The following VPS35 variants were observed in gnomAD, a reference collection of about 807,000 sequenced individuals.
VPS35 encodes VPS35 retromer complex component.
VPS35 carries 21 observed loss-of-function variants against 98.1 expected under a neutral mutation model. The ratio of observed to expected loss-of-function variants is 0.21; its 90% CI spans 0.15 to 0.31. The LOEUF is 0.31. Among genes scored for constraint, VPS35 ranks in the 10% least tolerant of loss-of-function variants. The pLI, the probability that VPS35 is intolerant of heterozygous loss-of-function variation, is 1.00. For missense variants in VPS35, 554 were observed against 950.8 expected (o/e 0.58, Z 5.49); for synonymous variants, 268 against 318.2 (o/e 0.84, Z 1.68).
chr16:46,668,351 C>T (rs931115264), intron 13 of VPS35, among the ~76,000 whole-genome samples: 2 of 152,204 alleles, frequency 1.3e-5, no homozygotes, highest in South Asian at 2.1e-4. Context: ...GCTAAGACTG[C>T]GCCACTGTAC....
rs141575586 is a variant in VPS35, at chr16:46,673,159, C to T, written c.1161-687G>A. 3.6e-3 allele frequency among the ~76,000 whole-genome samples: 547 copies of T among 151,640 alleles called. 1 individual carries two copies. The highest frequency in any genetic ancestry group is 5.5e-3 in the Non-Finnish European group (374 of 67,936). On this transcript the variant is annotated intron_variant, in intron 10 of 16. Coordinates refer to ENST00000299138, the MANE Select transcript of VPS35 (RefSeq NM_018206.6). ...TTTTAATTTTATTTTTTATTAGAGA[C>T]GGGGTCTCGCTATGTTGCCCAGGCT...
chr16:46,688,269 G>A lies in VPS35; in HGVS notation c.3+862C>T, dbSNP rs74320950. The stretch of plus-strand genomic sequence containing the variant: ...TATACTCAAAAAATTTATTTACACA[G>A]TGCAGGCTATGTTAAACGCTAATAA... On this transcript the variant is annotated intron_variant, in intron 1 of 16. Coordinates refer to ENST00000299138, the MANE Select transcript of VPS35 (RefSeq NM_018206.6). 2,510 of 982,552 alleles carry A rather than the reference G, an allele frequency of 2.6e-3. 12 individuals carry two copies. The highest frequency in any genetic ancestry group is 0.017 in the Middle Eastern group (33 of 1,910). 60.9% of individuals were successfully genotyped at this position (982,552 alleles called of 1,614,324 possible).
At chr16:46,688,167 A>C (rs74918457) in intron 1 of VPS35, 4,110 of 331,076 alleles carry the variant, frequency 0.012, 89 homozygotes, top group East Asian at 0.099. Context: ...TTAAAGTGAA[A>C]TCTGTTTCCA....
chr16:46,674,038 CA>C, intron 10 of VPS35: 1 of 430,648 alleles, frequency 2.3e-6, no homozygotes, highest in Non-Finnish European at 4.2e-6. Flanking sequence ...CCAGGGAAGC[CA>C]AAAGATTGGA....
At chr16:46,677,497 T>C (rs1966169686) in intron 6 of VPS35, 99 bp from the exon 7 acceptor site, 3 of 1,009,248 alleles carry the variant, frequency 3.0e-6, no homozygotes, top group Non-Finnish European at 4.6e-6. Context: ...GAAAATCGTA[T>C]TTGAGATTTT....
chr16:46,665,162 C>A (rs1325307011), intron 13 of VPS35, among the ~76,000 whole-genome samples: 1 of 152,200 alleles, frequency 6.6e-6, no homozygotes, highest in Non-Finnish European at 1.5e-5. Flanking sequence ...CATTGCTGAA[C>A]CTTATTTTTC....
intron 13 of VPS35, among the ~76,000 whole-genome samples, chr16:46,667,445 CAGA>C (rs1458612792): frequency 7.9e-5 from 12 of 152,094 alleles, no homozygotes; most frequent in Admixed American, 6.6e-4. Flanking sequence ...CTTTGTTGTA[CAGA>C]AGGTTTTTAG....
chr16:46,665,316 G>A (rs771682085), intron 13 of VPS35, among the ~76,000 whole-genome samples: 7 of 152,186 alleles, frequency 4.6e-5, no homozygotes, highest in Non-Finnish European at 1.0e-4. Flanking sequence ...GCGACAGGCT[G>A]GGCATGGTGG....
intron 13 of VPS35, 71 bp from the exon 14 acceptor site, chr16:46,663,233 T>C: frequency 7.3e-7 from 1 of 1,371,150 alleles, no homozygotes; most frequent in Admixed American, 2.0e-5. Flanking sequence ...TCCATTTTAA[T>C]AGAACAAAAT....
intron 7 of VPS35, among the ~76,000 whole-genome samples, chr16:46,677,054 TAA>T (rs987600768): frequency 2.0e-5 from 3 of 151,948 alleles, no homozygotes; most frequent in African/African-American, 7.2e-5. Context: ...AAAGAAACAC[TAA>T]AAAAATTTTT....
At chr16:46,672,140 T>C in intron 11 of VPS35, 125 bp downstream of exon 11, 2 of 868,018 alleles carry the variant, frequency 2.3e-6, no homozygotes, top group Non-Finnish European at 3.6e-6. Context: ...ATTTATATAA[T>C]GAAAAAGTTA....
chr16:46,671,241 AAAATT>A (rs1966064021), intron 12 of VPS35, among the ~76,000 whole-genome samples: 1 of 152,214 alleles, frequency 6.6e-6, no homozygotes, highest in African/African-American at 2.4e-5. Context: ...TTGGAAAAGT[AAAATT>A]AAATATAAGA....
intron 6 of VPS35, among the ~76,000 whole-genome samples, chr16:46,678,171 C>T (rs1012061745): frequency 1.3e-5 from 2 of 152,218 alleles, no homozygotes; most frequent in African/African-American, 4.8e-5. Context: ...CATTCACTTC[C>T]ATATTGCCTG....
chr16:46,658,344 G>A lies in VPS35; in HGVS notation c.*2128C>T, dbSNP rs560084002. The A allele has an allele frequency of 2.6e-5, 4 of 153,852 alleles. No individual in the cohort carries two copies. The South Asian group carries it at 8.3e-4, about 32-fold the overall frequency. The allele number at this position is 153,852 out of a possible 1,614,324, so 9.5% of individuals were successfully genotyped here. A position where few individuals can be genotyped will look rare whatever the true frequency, so the allele number is the denominator to read the frequency against. ...GTCTTCACAGCAGACTAACGTTCTT[G>A]AAGCTAGAGGCTATGATCTTCTTCA... On this transcript the variant is annotated 3_prime_UTR_variant, in exon 17 of 17. Transcript: ENST00000299138.
rs1966166656 is a variant in VPS35 at position 46,677,298 on chromosome 16, G to T, written c.804+17C>A. 1.9e-6 allele frequency: 3 copies of T among 1,606,292 alleles called. No individual in the cohort carries two copies. Among genetic ancestry groups the T allele is most frequent in the African/African-American group, 1.3e-5 (1 of 74,816 alleles). On this transcript the variant is annotated intron_variant, in intron 7 of 16. Transcript: ENST00000299138. ...TAAAATAGGTCGTTTAAAAAAAAAT[G>T]AAATGTTCCCAGCTACCTGAATAAT... is the stretch of plus-strand genomic sequence containing the variant.
Position 46,683,621 on chromosome 16 carries a change from A to G in VPS35, c.4-15T>C, listed in dbSNP as rs767613585. On this transcript the variant is annotated splice_polypyrimidine_tract_variant and intron_variant, in intron 1 of 16. Transcript: ENST00000299138. ...TGTGTTGTAGGCTGAAAAATAAAAA[A>G]TTCCACTGATGTCTCAAGCACATTC... 4.8e-5 allele frequency: 76 copies of G among 1,580,694 alleles called. No homozygotes were observed. Among genetic ancestry groups the G allele is most frequent in the Non-Finnish European group, 6.5e-5 (75 of 1,153,270 alleles).
At position 46,660,154 on chromosome 16, in the gene VPS35, T is replaced by C. The variant is rs998146101; in HGVS notation, c.*318A>G. On this transcript the variant is annotated 3_prime_UTR_variant, in exon 17 of 17. Coordinates refer to ENST00000299138, the MANE Select transcript of VPS35 (RefSeq NM_018206.6). Reference sequence around the variant, plus strand: ...ACAAACAAACAAAAAAAAGGAGAGCTTCATTAGTAGCCAAGATAAGTGCTT... The same window carrying C: ...ACAAACAAACAAAAAAAAGGAGAGCCTCATTAGTAGCCAAGATAAGTGCTT... The C allele has an allele frequency of 1.3e-5, 3 of 226,848 alleles. No individual in the cohort carries two copies. The highest frequency in any genetic ancestry group is 7.0e-5 in the African/African-American group (3 of 43,020). 14.1% of individuals were successfully genotyped at this position (226,848 alleles called of 1,614,324 possible).
At chr16:46,665,029 C>T (rs1156988914) in intron 13 of VPS35, among the ~76,000 whole-genome samples, 3 of 152,118 alleles carry the variant, frequency 2.0e-5, no homozygotes, top group African/African-American at 7.2e-5. Context: ...CTTGGAATTC[C>T]ACTTGGAAGT....
chr16:46,685,141 C>G (rs1416467197), intron 1 of VPS35, among the ~76,000 whole-genome samples: 10 of 152,130 alleles, frequency 6.6e-5, no homozygotes, highest in Admixed American at 3.9e-4. Context: ...ATAAATTGTT[C>G]ACTTTAAAAT....
Sources: allele counts gnomAD v4.1 joint callset (sites outside exome capture counted in the v4.1 genomes callset), GRCh38; gene constraint gnomAD v4.1.1; transcripts MANE v1.5; gene names NCBI Gene and HGNC (gene_info 2026-07-23, HGNC 2026-07-21).